TUSC3: variants seen among roughly 807,000 people sequenced by gnomAD.
TUSC3 encodes dolichyl-diphosphooligosaccharide--protein glycosyltransferase subunit TUSC3.
TUSC3 carries 45 observed loss-of-function variants against 44.8 expected under a neutral mutation model. The ratio of observed to expected loss-of-function variants is 1.00; its 90% CI spans 0.79 to 1.29. The LOEUF (loss-of-function observed/expected upper bound fraction) is 1.29. TUSC3 is among the 50% of genes most tolerant of loss of function. The pLI is 0.00. For synonymous variants in TUSC3, 212 were observed against 152.9 expected, an observed-to-expected ratio of 1.39 and a Z score of -2.85; for missense variants, 519 against 437.9, an observed-to-expected ratio of 1.19 and a Z score of -1.65.
intron 1 of TUSC3, among the ~76,000 whole-genome samples, chr8:15,437,805 A>G (rs1391296703): frequency 6.6e-6 from 1 of 152,162 alleles, no homozygotes; most frequent in African/African-American, 2.4e-5. Flanking sequence ...TCCTACAGTC[A>G]TGCCTTAAGG....
intron 2 of TUSC3, among the ~76,000 whole-genome samples, chr8:15,628,967 A>G (rs761199939): frequency 6.6e-6 from 1 of 152,210 alleles, no homozygotes. Flanking sequence ...AAAGTTGACA[A>G]ACTGGTTGTG....
the TUSC3 span, among the ~76,000 whole-genome samples, chr8:15,830,488 A>C: frequency 6.6e-6 from 1 of 152,208 alleles, no homozygotes; most frequent in Non-Finnish European, 1.5e-5. Flanking sequence ...TATTCACAGT[A>C]GCAAGGTCAT....
chr8:15,772,711 T>C, the TUSC3 span, among the ~76,000 whole-genome samples: 1 of 152,206 alleles, frequency 6.6e-6, no homozygotes, highest in Non-Finnish European at 1.5e-5. Flanking sequence ...TTATCTCCTA[T>C]GTAATTAATT....
the TUSC3 span, among the ~76,000 whole-genome samples, chr8:15,818,396 T>A: frequency 6.6e-6 from 1 of 152,220 alleles, no homozygotes; most frequent in Admixed American, 6.5e-5. Context: ...GTACTTTCAT[T>A]TGCCTCTTTT....
chr8:15,780,707 C>T, the TUSC3 span, among the ~76,000 whole-genome samples: 1 of 152,116 alleles, frequency 6.6e-6, no homozygotes, highest in Non-Finnish European at 1.5e-5. Context: ...CTCACCCCAG[C>T]AATAACTTCA....
At chr8:15,516,994 A>G (rs1801225093) in intron 2 of TUSC3, among the ~76,000 whole-genome samples, 1 of 152,182 alleles carries the variant, frequency 6.6e-6, no homozygotes, top group Non-Finnish European at 1.5e-5. Flanking sequence ...AATTTTAGAA[A>G]TAAGAAGTTC....
At chr8:15,610,529 G>A (rs117776497) in intron 1 of TUSC3, among the ~76,000 whole-genome samples, 2,249 of 152,178 alleles carry the variant, frequency 0.015, 29 homozygotes, top group Middle Eastern at 0.055. Flanking sequence ...TTTAACATCT[G>A]GCAACAGCAA....
chr8:15,751,622 C>G (rs1388592526), intron 9 of TUSC3, among the ~76,000 whole-genome samples: 3 of 152,140 alleles, frequency 2.0e-5, no homozygotes, highest in Non-Finnish European at 2.9e-5. Context: ...TCAAAGAGCT[C>G]ACTGAATGTA....
At chr8:15,644,459 G>A (rs765185333) in intron 2 of TUSC3, among the ~76,000 whole-genome samples, 3 of 152,172 alleles carry the variant, frequency 2.0e-5, no homozygotes, top group Non-Finnish European at 2.9e-5. Context: ...ATTTTAACTT[G>A]CCATTTCAGA....
At chr8:15,441,864 A>G (rs1194465330) in intron 1 of TUSC3, among the ~76,000 whole-genome samples, 1 of 152,184 alleles carries the variant, frequency 6.6e-6, no homozygotes, top group East Asian at 1.9e-4. Context: ...CAACCAAACA[A>G]GTGATTTTAC....
At chr8:15,637,879 T>A (rs1236905451) in intron 2 of TUSC3, among the ~76,000 whole-genome samples, 1 of 152,158 alleles carries the variant, frequency 6.6e-6, no homozygotes, top group Non-Finnish European at 1.5e-5. Flanking sequence ...CATATTCTGA[T>A]TCTGAAATAA....
At chr8:15,616,740 G>A (rs148379500) in intron 1 of TUSC3, among the ~76,000 whole-genome samples, 5 of 152,196 alleles carry the variant, frequency 3.3e-5, no homozygotes, top group Non-Finnish European at 7.3e-5. Flanking sequence ...GAGACTCCCT[G>A]AGCAAGAGCC....
At chr8:15,567,972 C>T (rs1413081077) in intron 1 of TUSC3, among the ~76,000 whole-genome samples, 2 of 152,028 alleles carry the variant, frequency 1.3e-5, no homozygotes, top group African/African-American at 2.4e-5. Context: ...CCTTTTTCTC[C>T]TCTTTGTTTT....
chr8:15,819,635 G>C, the TUSC3 span, among the ~76,000 whole-genome samples: 1 of 148,902 alleles, frequency 6.7e-6, no homozygotes, highest in Non-Finnish European at 1.5e-5. Flanking sequence ...ATACTTGTAA[G>C]TCTTTTGATG....
rs17121504 is a variant in TUSC3, at chr8:15,487,807, C to T, written n.189+4324C>T. 7.5e-3 allele frequency among the ~76,000 whole-genome samples: 1,141 copies of T among 152,052 alleles called. 22 individuals carry two copies. Among genetic ancestry groups the T allele is most frequent in the African/African-American group, 0.026 (1,084 of 41,468 alleles). On this transcript the variant is annotated intron_variant and non_coding_transcript_variant, in intron 2 of 5. Transcript: ENST00000503191. ...TGTTTCCAAGGATCACTTCATTTGA[C>T]ATCGTTGTTTTAAAATTTCAAAAGC... is the stretch of plus-strand genomic sequence containing the variant.
chr8:15,445,311 T>G (rs992484516), intron 1 of TUSC3, among the ~76,000 whole-genome samples: 5 of 151,550 alleles, frequency 3.3e-5, no homozygotes, highest in Non-Finnish European at 5.9e-5. Context: ...TATCCCAGGA[T>G]TTTATTTTTT....
chr8:15,545,130 C>T (rs1423998045), intron 1 of TUSC3, among the ~76,000 whole-genome samples: 3 of 151,166 alleles, frequency 2.0e-5, no homozygotes, highest in East Asian at 3.9e-4. Flanking sequence ...TGCCTGATGT[C>T]GTACAGTTAG....
chr8:15,619,294 AGATT>A (rs1805135858), intron 1 of TUSC3, among the ~76,000 whole-genome samples: 1 of 152,210 alleles, frequency 6.6e-6, no homozygotes, highest in Non-Finnish European at 1.5e-5. Flanking sequence ...TTCATATAAT[AGATT>A]GAGACTTTTA....
chr8:15,805,389 T>C, the TUSC3 span, among the ~76,000 whole-genome samples: 1 of 152,050 alleles, frequency 6.6e-6, no homozygotes, highest in African/African-American at 2.4e-5. Context: ...TGGTTGAGAG[T>C]GGGCATCTTT....
Sources: gnomAD v4.1 joint callset for allele counts (sites outside exome capture counted in the v4.1 genomes callset) on GRCh38, gnomAD v4.1.1 for gene constraint, MANE v1.5 for transcripts, NCBI Gene and HGNC (gene_info 2026-07-23, HGNC 2026-07-21) for gene names.